MAB21L1: variants seen among roughly 807,000 people sequenced by gnomAD.
The protein encoded by MAB21L1 is mab-21 like 1, also known as putative nucleotidyltransferase MAB21L1.
MAB21L1 carries 8 observed loss-of-function variants against 28.9 expected under a neutral mutation model. That is an observed-to-expected ratio of 0.28 (90% CI 0.16 to 0.50). MAB21L1 has a LOEUF of 0.50. MAB21L1 is among the 20% of genes least tolerant of loss of function. The probability of loss-of-function intolerance (pLI) is 0.98; values close to 1 mark genes in which losing one functional copy is unlikely to be tolerated. For synonymous variants in MAB21L1, 219 were observed against 198.2 expected, an observed-to-expected ratio of 1.10 and a Z score of -0.88; for missense variants, 388 against 466.5, an observed-to-expected ratio of 0.83 and a Z score of 1.55.
rs1211763927 is a variant in MAB21L1, at chr13:35,474,822, C to A, written c.*237G>T. 6 of 493,284 alleles carry A rather than the reference C, an allele frequency of 1.2e-5. No individual in the cohort carries two copies. In the Admixed American group the frequency reaches 2.3e-4, roughly 19 times the overall value. The allele number at this position is 493,284 out of a possible 1,614,324, so 30.6% of individuals were successfully genotyped here. A position where few individuals can be genotyped will look rare whatever the true frequency, so the allele number is the denominator to read the frequency against. On this transcript the variant is annotated 3_prime_UTR_variant, in exon 1 of 1. Transcript: ENST00000379919. ...GTACTTTTCAAGGGAGATAGGAAAT[C>A]GTGTGGAAAGAAGTCTTCTAATACT...
Position 35,475,764 on chromosome 13 carries a change from C to G in MAB21L1, c.375G>C (p.Ala125=). The G allele has an allele frequency of 6.2e-7, 1 of 1,613,936 alleles. No homozygotes were observed. Among genetic ancestry groups the G allele is most frequent in the Non-Finnish European group, 8.5e-7 (1 of 1,179,974 alleles). ...EFITASGYLS[A]RKIRSRFQTL... is the part of the protein sequence containing the mutation. Reference sequence around the variant, plus strand: ...TCTGAAACCTGGACCGGATTTTGCGCGCCGAGAGGTAGCCGGAGGCGGTAA... The same window carrying G: ...TCTGAAACCTGGACCGGATTTTGCGGGCCGAGAGGTAGCCGGAGGCGGTAA... Residue 125 remains alanine, a synonymous_variant, in exon 1 of 1, where the codon GCG becomes GCC. Coordinates refer to ENST00000379919, the MANE Select transcript of MAB21L1 (RefSeq NM_005584.5).
Position 35,476,079 on chromosome 13 carries a change from G to A in MAB21L1, c.60C>T (p.Cys20=), listed in dbSNP as rs780508799. Residue 20 remains cysteine (C), a synonymous_variant, in exon 1 of 1, where the codon TGC becomes TGT. Transcript: ENST00000379919. ...YHLNKYYNEK[C]QARKAAIAKT... is the part of the protein sequence containing the mutation. ...TGGCAATGGCAGCTTTCCTGGCTTG[G>A]CATTTTTCGTTGTAGTATTTATTCA... is the stretch of plus-strand genomic sequence containing the variant. 6.2e-7 allele frequency: 1 copy of A among 1,614,190 alleles called. No individual in the cohort carries two copies. The highest frequency in any genetic ancestry group is 1.7e-5 in the Admixed American group (1 of 60,024).
In MAB21L1 at chr13:35,475,042, C is replaced by T. The variant is rs1164506727; in HGVS notation, c.*17G>A. 1 of 1,602,962 alleles carries T rather than the reference C, an allele frequency of 6.2e-7. No homozygotes were observed. Among genetic ancestry groups the T allele is most frequent in the East Asian group, 2.2e-5 (1 of 44,718 alleles). On this transcript the variant is annotated 3_prime_UTR_variant, in exon 1 of 1. Transcript: ENST00000379919. ...TTTGAGAAGGGTAATAATTTCGGCTCTTGATTAAATCATCCTCTAAAGTTT... is the reference window on the plus strand; with the variant it reads ...TTTGAGAAGGGTAATAATTTCGGCTTTTGATTAAATCATCCTCTAAAGTTT...
chr13:35,475,788 A>G lies in MAB21L1; in HGVS notation c.351T>C (p.Ile117=). Residue 117 remains isoleucine, a synonymous_variant, in exon 1 of 1, where the codon ATT becomes ATC. Coordinates refer to ENST00000379919, the MANE Select transcript of MAB21L1 (RefSeq NM_005584.5). ...KRSMSLWVEF[I]TASGYLSARK... is the part of the protein sequence containing the mutation. ...GCGCCGAGAGGTAGCCGGAGGCGGT[A>G]ATGAATTCCACCCAGAGGGACATGC... The G allele has an allele frequency of 6.2e-7, 1 of 1,613,810 alleles. No homozygotes were observed. The highest frequency in any genetic ancestry group is 8.5e-7 in the Non-Finnish European group (1 of 1,179,942).
Position 35,474,727 on chromosome 13 carries a change from C to A in MAB21L1, c.*332G>T. On this transcript the variant is annotated 3_prime_UTR_variant, in exon 1 of 1. Transcript: ENST00000379919. ...CTAAATCACCAGGATTGCTATAATC[C>A]TTTGATAGTTAGGCAGAGTGTTCGT... The A allele has an allele frequency of 4.2e-6, 1 of 237,692 alleles. No homozygotes were observed. The highest frequency in any genetic ancestry group is 8.2e-6 in the Non-Finnish European group (1 of 122,176). 14.7% of individuals were successfully genotyped at this position (237,692 alleles called of 1,614,324 possible).
In MAB21L1 at chr13:35,475,969, T is replaced by A; in HGVS notation, c.170A>T (p.Asn57Ile). The change falls in exon 1 of 1, where the codon AAC (asparagine) becomes ATC (isoleucine). Residue 57 changes from asparagine to isoleucine, a missense_variant. Transcript: ENST00000379919. ...GCCCTCGTAGCGATTGTCCATCTCGTTGAGAGAGCTGATGAACCGCGGCTC... is the reference window on the plus strand; with the variant it reads ...GCCCTCGTAGCGATTGTCCATCTCGATGAGAGAGCTGATGAACCGCGGCTC... ...VQEPRFISSL[N>I]EMDNRYEGLE... 1 of 1,614,144 alleles carries A rather than the reference T, an allele frequency of 6.2e-7. No individual in the cohort carries two copies. The highest frequency in any genetic ancestry group is 2.2e-5 in the East Asian group (1 of 44,862).
At position 35,475,922 on chromosome 13, in the gene MAB21L1, C is replaced by T. The variant is rs764024059; in HGVS notation, c.217G>A (p.Glu73Lys). Residue 73 changes from glutamate to lysine, a missense_variant, in exon 1 of 1, where the codon GAA (glutamate) becomes AAA (lysine). This residue lies in a region of MAB21L1 where 89 missense variants were observed against 92.2 expected (regional missense o/e 0.97). Transcript: ENST00000379919. ...YEGLEVISPT[E>K]FEVVLYLNQM... is the part of the protein sequence containing the mutation. ...TTGAGATAAAGCACCACTTCAAATT[C>T]GGTGGGGGAGATGACCTCGAGGCCC... 12 of 1,614,128 alleles carry T rather than the reference C, an allele frequency of 7.4e-6. No individual in the cohort carries two copies. In the South Asian group the frequency reaches 1.2e-4, roughly 16 times the overall value.
Position 35,475,489 on chromosome 13 carries a change from G to T in MAB21L1, c.650C>A (p.Ser217Tyr), listed in dbSNP as rs777847509. 1 of 1,612,402 alleles carries T rather than the reference G, an allele frequency of 6.2e-7. No individual in the cohort carries two copies. The highest frequency in any genetic ancestry group is 8.5e-7 in the Non-Finnish European group (1 of 1,179,868). Reference protein sequence around the residue: ...GFNLLSKECHSLAGKQSSAES... With the variant: ...GFNLLSKECHYLAGKQSSAES... ...CGCCGAGCTCTGCTTGCCGGCCAAGGAGTGGCACTCCTTGGACAAGAGATT... is the reference window on the plus strand; with the variant it reads ...CGCCGAGCTCTGCTTGCCGGCCAAGTAGTGGCACTCCTTGGACAAGAGATT... The change falls in exon 1 of 1, where the codon TCC becomes TAC. Residue 217 changes from serine (S) to tyrosine (Y), a missense_variant. By Grantham distance (144) the Ser-to-Tyr change is moderately radical. Around this residue, in one of 3 missense-constraint regions of MAB21L1, gnomAD observed 218 missense variants for 220.6 expected, o/e 0.99. Transcript: ENST00000379919.
chr13:35,476,040 T>G lies in MAB21L1; in HGVS notation c.99A>C (p.Glu33Asp). The change falls in exon 1 of 1, where the codon GAA becomes GAC. Residue 33 changes from glutamate to aspartate, a missense_variant. By Grantham distance (45) the Glu-to-Asp change is conservative. Coordinates refer to ENST00000379919, the MANE Select transcript of MAB21L1 (RefSeq NM_005584.5). Reference sequence around the variant, plus strand: ...GTACGTCGGAAACTACTTTGCAGACTTCCCGGATAGTTTTGGCAATGGCAG... The same window carrying G: ...GTACGTCGGAAACTACTTTGCAGACGTCCCGGATAGTTTTGGCAATGGCAG... ...RKAAIAKTIR[E>D]VCKVVSDVLK... 1 of 1,614,222 alleles carries G rather than the reference T, an allele frequency of 6.2e-7. No homozygotes were observed. Among genetic ancestry groups the G allele is most frequent in the Admixed American group, 1.7e-5 (1 of 60,030 alleles).
At position 35,475,025 on chromosome 13, in the gene MAB21L1, G is replaced by T. The variant is rs2075799014; in HGVS notation, c.*34C>A. 2.5e-6 allele frequency: 4 copies of T among 1,591,058 alleles called. No homozygotes were observed. The highest frequency in any genetic ancestry group is 2.3e-5 in the South Asian group (2 of 87,074). On this transcript the variant is annotated 3_prime_UTR_variant, in exon 1 of 1. Transcript: ENST00000379919. ...TTACACTTAATAAGGACTTTGAGAA[G>T]GGTAATAATTTCGGCTCTTGATTAA...
chr13:35,475,080 C>T lies in MAB21L1; in HGVS notation c.1059G>A (p.Pro353=). The T allele has an allele frequency of 1.2e-6, 2 of 1,611,958 alleles. No individual in the cohort carries two copies. Among genetic ancestry groups the T allele is most frequent in the South Asian group, 2.2e-5 (2 of 90,812 alleles). Residue 353 remains proline, a synonymous_variant, in exon 1 of 1, where the codon CCG becomes CCA. Coordinates refer to ENST00000379919, the MANE Select transcript of MAB21L1 (RefSeq NM_005584.5). ...TCCTCTAAAGTTTTTCCAAACTTTT[C>T]GGGTTGGTCAGGATCTCTCTTGCCA... ...WRLAREILTN[P]KSLEKL
In MAB21L1 at chr13:35,476,295, CCCTGCTGCTGCTGCTGCTGCTGCT is replaced by C. The variant is rs1194229994; in HGVS notation, c.-181_-158del. The C allele has an allele frequency of 1.1e-6, 1 of 882,162 alleles. No homozygotes were observed. Among genetic ancestry groups the C allele is most frequent in the Non-Finnish European group, 1.7e-6 (1 of 588,820 alleles). The allele number at this position is 882,162 out of a possible 1,614,324, so 54.6% of individuals were successfully genotyped here. On this transcript the variant is annotated 5_prime_UTR_variant, in exon 1 of 1. Transcript: ENST00000379919. The stretch of plus-strand genomic sequence containing the variant: ...TTCGGAAGTGCTGCAGCGTTGGTTT[CCCTGCTGCTGCTGCTGCTGCTGCT>C]GCTGCTGCTGCTGCTGCTGCTGCTG...
At position 35,475,145 on chromosome 13, in the gene MAB21L1, G is replaced by C; in HGVS notation, c.994C>G (p.His332Asp). Residue 332 changes from histidine to aspartate, a missense_variant, in exon 1 of 1, where the codon CAC becomes GAC. His to Asp is a moderately conservative substitution (Grantham distance 81). This residue lies in a region of MAB21L1 where 218 missense variants were observed against 220.6 expected (regional missense o/e 0.99). Coordinates refer to ENST00000379919, the MANE Select transcript of MAB21L1 (RefSeq NM_005584.5). ...TTGGCAGCGTTTTCCAGAGCTGAGT[G>C]AGGTTTGCCTTGAAACAGATCTAAG... ...PNLDLFQGKP[H>D]SALENAAKQT... 1.9e-6 allele frequency: 3 copies of C among 1,614,108 alleles called. No individual in the cohort carries two copies. The highest frequency in any genetic ancestry group is 2.5e-6 in the Non-Finnish European group (3 of 1,180,014).
chr13:35,474,328 C>T lies in MAB21L1; in HGVS notation c.*731G>A, dbSNP rs2152960124. Reference sequence around the variant, plus strand: ...TTTTCAAATATATAATTCAGATATTCAAGCGTTATTATATAAGCTGAATTC... The same window carrying T: ...TTTTCAAATATATAATTCAGATATTTAAGCGTTATTATATAAGCTGAATTC... On this transcript the variant is annotated 3_prime_UTR_variant, in exon 1 of 1. Coordinates refer to ENST00000379919, the MANE Select transcript of MAB21L1 (RefSeq NM_005584.5). The T allele has an allele frequency of 1.3e-5, 2 of 152,700 alleles. 1 individual carries two copies. Among genetic ancestry groups the T allele is most frequent in the South Asian group, 4.1e-4 (2 of 4,820 alleles). 9.5% of individuals were successfully genotyped at this position (152,700 alleles called of 1,614,324 possible).
At position 35,476,536 on chromosome 13, in the gene MAB21L1, T is replaced by G. The variant is rs2152962181; in HGVS notation, c.-398A>C. 1 of 610,794 alleles carries G rather than the reference T, an allele frequency of 1.6e-6. No individual in the cohort carries two copies. Among genetic ancestry groups the G allele is most frequent in the South Asian group, 2.0e-5 (1 of 50,412 alleles). 37.8% of individuals were successfully genotyped at this position (610,794 alleles called of 1,614,324 possible). A position where few individuals can be genotyped will look rare whatever the true frequency, so the allele number is the denominator to read the frequency against. ...AGACCCAGCAAAGCTCTTCCAGTAG[T>G]CAAAATAAGCACCCCTTTCCGTATT... On this transcript the variant is annotated 5_prime_UTR_variant, in exon 1 of 1. Transcript: ENST00000379919.
rs1226821056 is a variant in MAB21L1 at position 35,475,179 on chromosome 13, A to G, written c.960T>C (p.Phe320=). 1 of 1,614,036 alleles carries G rather than the reference A, an allele frequency of 6.2e-7. No individual in the cohort carries two copies. Residue 320 remains phenylalanine (F), a synonymous_variant, in exon 1 of 1, where the codon TTT becomes TTC. Transcript: ENST00000379919. ...CTTGAAACAGATCTAAGTTCGGTAG[A>G]AAGTAGTGGGGACACCGCCGGCACT... ...CLQCRRCPHY[F]LPNLDLFQGK...
At position 35,475,464 on chromosome 13, in the gene MAB21L1, C is replaced by T. The variant is rs1474356089; in HGVS notation, c.675G>A (p.Ala225=). 1 of 1,612,754 alleles carries T rather than the reference C, an allele frequency of 6.2e-7. No homozygotes were observed. The highest frequency in any genetic ancestry group is 8.5e-7 in the Non-Finnish European group (1 of 1,179,922). ...CHSLAGKQSS[A]ESDAWVLQFA... ...ACTGCAGCACCCAGGCGTCGCTCTC[C>T]GCCGAGCTCTGCTTGCCGGCCAAGG... is the stretch of plus-strand genomic sequence containing the variant. Residue 225 remains alanine, a synonymous_variant, in exon 1 of 1, where the codon GCG becomes GCA. Coordinates refer to ENST00000379919, the MANE Select transcript of MAB21L1 (RefSeq NM_005584.5).
Position 35,476,389 on chromosome 13 carries a change from C to T in MAB21L1, c.-251G>A. 1 of 1,139,950 alleles carries T rather than the reference C, an allele frequency of 8.8e-7. No homozygotes were observed. Among genetic ancestry groups the T allele is most frequent in the Non-Finnish European group, 1.3e-6 (1 of 772,880 alleles). The allele number at this position is 1,139,950 out of a possible 1,614,324, so 70.6% of individuals were successfully genotyped here. ...CCTTTTATCTTTGAGCCCAGCCGTTCTTAAAGTGAAAGACTGTCCTCCCCC... is the reference window on the plus strand; with the variant it reads ...CCTTTTATCTTTGAGCCCAGCCGTTTTTAAAGTGAAAGACTGTCCTCCCCC... On this transcript the variant is annotated 5_prime_UTR_variant, in exon 1 of 1. Transcript: ENST00000379919.
Position 35,475,980 on chromosome 13 carries a change from G to A in MAB21L1, c.159C>T (p.Ile53=). 1 of 1,614,182 alleles carries A rather than the reference G, an allele frequency of 6.2e-7. No individual in the cohort carries two copies. The highest frequency in any genetic ancestry group is 8.5e-7 in the Non-Finnish European group (1 of 1,180,036). ...KEVEVQEPRF[I]SSLNEMDNRY... is the part of the protein sequence containing the mutation. ...GATTGTCCATCTCGTTGAGAGAGCT[G>A]ATGAACCGCGGCTCCTGCACTTCCA... Residue 53 remains isoleucine, a synonymous_variant, in exon 1 of 1, where the codon ATC becomes ATT. Transcript: ENST00000379919.
Sources: gnomAD v4.1 joint callset for allele counts on GRCh38, gnomAD v4.1.1 for gene constraint, gnomAD v4.1.1 regional missense constraint, MANE v1.5 for transcripts, NCBI Gene and HGNC (gene_info 2026-07-23, HGNC 2026-07-21) for gene names.